LYPD5: variants seen among roughly 807,000 people sequenced by gnomAD.
The protein encoded by LYPD5 is ly6/PLAUR domain-containing protein 5.
LYPD5 carries 21 observed loss-of-function variants against 19.1 expected under a neutral mutation model. The observed-to-expected ratio is 1.10, with a 90% CI of 0.78 to 1.58. The LOEUF (loss-of-function observed/expected upper bound fraction) is 1.58, where lower values mean the gene tolerates loss of function less well. Ranked by LOEUF, LYPD5 falls within the 40% of genes most tolerant of loss-of-function variation. The probability of loss-of-function intolerance (pLI) is 0.00; values close to 1 mark genes in which losing one functional copy is unlikely to be tolerated. For synonymous variants in LYPD5, 128 were observed against 142.7 expected (o/e 0.90, Z 0.74); for missense variants, 287 against 329.8 (o/e 0.87, Z 1.00).
At chr19:43,800,963 C>CA (rs11354228) in intron 1 of LYPD5, among the ~76,000 whole-genome samples, 9 of 119,240 alleles carry the variant, frequency 7.5e-5, no homozygotes, top group African/African-American at 2.3e-4. Context: ...GACTCTGTCT[C>CA]AAAAAAAAAA....
intron 1 of LYPD5, among the ~76,000 whole-genome samples, chr19:43,810,664 G>A (rs901211355): frequency 6.2e-5 from 9 of 144,912 alleles, no homozygotes; most frequent in Admixed American, 2.1e-4. Context: ...ACAGAGTCTC[G>A]CTCTGTTGCC....
intron 1 of LYPD5, among the ~76,000 whole-genome samples, chr19:43,819,159 T>A (rs186876706): frequency 2.4e-4 from 36 of 152,214 alleles, no homozygotes; most frequent in African/African-American, 8.7e-4. Flanking sequence ...GTTTTCTATT[T>A]CTTTAACTTG....
intron 1 of LYPD5, 85 bp downstream of exon 1, chr19:43,802,232 T>A: frequency 8.5e-7 from 1 of 1,171,750 alleles, no homozygotes; most frequent in Non-Finnish European, 1.2e-6. Context: ...GACCCAGGAG[T>A]CCAGGCCCCC....
chr19:43,803,839 C>G (rs566971894), upstream of LYPD5, among the ~76,000 whole-genome samples: 116 of 152,074 alleles, frequency 7.6e-4, no homozygotes, highest in African/African-American at 2.7e-3. Context: ...CCCCGCACCC[C>G]CTCTCTTTTT....
intron 1 of LYPD5, among the ~76,000 whole-genome samples, chr19:43,800,242 G>C (rs1384713427): frequency 6.6e-6 from 1 of 152,144 alleles, no homozygotes; most frequent in Non-Finnish European, 1.5e-5. Context: ...AGTGAAGTGT[G>C]GTCCTGTAGT....
At chr19:43,806,293 C>T (rs1287117074), upstream of LYPD5, among the ~76,000 whole-genome samples, 1 of 152,138 alleles carries the variant, frequency 6.6e-6, no homozygotes, top group Non-Finnish European at 1.5e-5. Flanking sequence ...TTATGCATTC[C>T]TTATGAGATT....
intron 1 of LYPD5, among the ~76,000 whole-genome samples, chr19:43,800,435 CCTAA>C (rs1337474233): frequency 1.3e-5 from 2 of 152,190 alleles, no homozygotes; most frequent in Non-Finnish European, 2.9e-5. Flanking sequence ...TATAAACCTC[CCTAA>C]CTAAGGCACA....
intron 1 of LYPD5, chr19:43,800,077 C>T: frequency 5.9e-6 from 2 of 341,838 alleles, no homozygotes; most frequent in Non-Finnish European, 1.1e-5. Context: ...CAGGTCTCCA[C>T]CCTCTTCCAG....
intron 1 of LYPD5, among the ~76,000 whole-genome samples, chr19:43,819,451 A>G (rs10408730): frequency 0.093 from 14,126 of 151,960 alleles, 805 homozygotes; most frequent in Non-Finnish European, 0.13. Context: ...CTAGCGGGTT[A>G]CAGTGACCGG....
chr19:43,799,389 G>T (rs1970189424), intron 2 of LYPD5, among the ~76,000 whole-genome samples: 1 of 151,986 alleles, frequency 6.6e-6, no homozygotes, highest in Non-Finnish European at 1.5e-5. Flanking sequence ...GATTACAGGT[G>T]CCCGCCACCA....
chr19:43,802,195 A>ACCCAGGAG (rs2146497010), intron 1 of LYPD5, 122 bp downstream of exon 1: 1 of 407,124 alleles, frequency 2.5e-6, no homozygotes, highest in Non-Finnish European at 4.3e-6. Flanking sequence ...GACCCAGGAG[A>ACCCAGGAG]TCAGGCCCCC....
chr19:43,804,118 G>T (rs961485108), upstream of LYPD5, among the ~76,000 whole-genome samples: 1 of 152,190 alleles, frequency 6.6e-6, no homozygotes. Context: ...GATTACAGAC[G>T]TGAGCCACTG....
At chr19:43,799,089 C>A in intron 2 of LYPD5, 101 bp from the exon 3 acceptor site, 1 of 1,299,874 alleles carries the variant, frequency 7.7e-7, no homozygotes. Context: ...TTCACCTACA[C>A]CTCCTCCCCT....
At chr19:43,806,951 G>C (rs553463226), upstream of LYPD5, among the ~76,000 whole-genome samples, 2 of 152,280 alleles carry the variant, frequency 1.3e-5, no homozygotes, top group South Asian at 4.2e-4. Flanking sequence ...GTCCTTTAGT[G>C]ACTGGCTTAT....
chr19:43,799,447 G>A (rs1399381839), intron 2 of LYPD5, among the ~76,000 whole-genome samples: 2 of 152,142 alleles, frequency 1.3e-5, no homozygotes, highest in Admixed American at 6.5e-5. Context: ...GTTTTGCCAT[G>A]TTGGCCAGGC....
rs1555729556 is a variant in LYPD5 at position 43,816,077 on chromosome 19, T to TCTATCTAC, written c.-66+4462_-66+4463insGTAGATAG. ...ATCTATCTATCTATCTATCTATCTATCTACCTATCATGTATCTATCACTTT... is the reference window on the plus strand; with the variant it reads ...ATCTATCTATCTATCTATCTATCTATCTATCTACCTACCTATCATGTATCTATCACTTT... On this transcript the variant is annotated intron_variant, in intron 1 of 4. Coordinates refer to the LYPD5 transcript ENST00000414615. Among the ~76,000 whole-genome samples the TCTATCTAC allele has an allele frequency of 1.4e-3, 196 of 141,440 alleles. 1 individual carries two copies. Among genetic ancestry groups the TCTATCTAC allele is most frequent in the Non-Finnish European group, 1.1e-3 (71 of 63,762 alleles). 92.8% of individuals were successfully genotyped at this position (141,440 alleles called of 152,430 possible). A position where few individuals can be genotyped will look rare whatever the true frequency, so the allele number is the denominator to read the frequency against.
intron 1 of LYPD5, among the ~76,000 whole-genome samples, chr19:43,818,866 TG>T (rs1970395078): frequency 6.6e-6 from 1 of 152,240 alleles, no homozygotes; most frequent in African/African-American, 2.4e-5. Context: ...AAACTACTGA[TG>T]CTGTATCATT....
At chr19:43,818,735 C>G (rs182101297) in intron 1 of LYPD5, among the ~76,000 whole-genome samples, 73 of 152,226 alleles carry the variant, frequency 4.8e-4, no homozygotes, top group Non-Finnish European at 8.7e-4. Flanking sequence ...TTTCCAGAGG[C>G]CCCAGGCACA....
chr19:43,801,037 G>GAA (rs4027763), intron 1 of LYPD5, among the ~76,000 whole-genome samples: 71 of 132,210 alleles, frequency 5.4e-4, no homozygotes, highest in East Asian at 1.3e-3. Context: ...TACATGGAGA[G>GAA]AAAAAAAAAA....
Sources: allele counts gnomAD v4.1 joint callset (sites outside exome capture counted in the v4.1 genomes callset), GRCh38; gene constraint gnomAD v4.1.1; transcripts MANE v1.5; gene names NCBI Gene and HGNC (gene_info 2026-07-23, HGNC 2026-07-21).